ALG6: variants seen among roughly 807,000 people sequenced by gnomAD.
The protein encoded by ALG6 is ALG6 alpha-1,3-glucosyltransferase, also known as dolichyl pyrophosphate Man9GlcNAc2 alpha-1,3-glucosyltransferase.
ALG6 carries 46 observed loss-of-function variants against 66.6 expected under a neutral mutation model. The observed-to-expected ratio is 0.69, with a 90% CI of 0.55 to 0.88. ALG6 has a LOEUF of 0.88. Ranked by LOEUF, ALG6 falls within the 40% of genes least tolerant of loss-of-function variation. ALG6 has a pLI of 0.00. For missense variants in ALG6, 505 were observed against 586.8 expected, an observed-to-expected ratio of 0.86 and a Z score of 1.44; for synonymous variants, 185 against 203.7, an observed-to-expected ratio of 0.91 and a Z score of 0.78.
At chr1:63,401,020 G>C (rs376458124) in intron 3 of ALG6, among the ~76,000 whole-genome samples, 1 of 152,226 alleles carries the variant, frequency 6.6e-6, no homozygotes, top group Non-Finnish European at 1.5e-5. Context: ...GCTGCCAAAA[G>C]GGGCTCCAAC....
At chr1:63,372,706 C>T (rs11208195) in intron 2 of ALG6, among the ~76,000 whole-genome samples, 64,691 of 151,834 alleles carry the variant, frequency 0.43, 13,961 homozygotes, top group East Asian at 0.62. Flanking sequence ...GTCACCCAGG[C>T]TGGAGTGCAG....
chr1:63,417,441 A>T (rs1644550878), intron 11 of ALG6, among the ~76,000 whole-genome samples: 1 of 152,126 alleles, frequency 6.6e-6, no homozygotes, highest in East Asian at 1.9e-4. Flanking sequence ...AAACTTTTTA[A>T]ATGTAAGATT....
intron 7 of ALG6, among the ~76,000 whole-genome samples, chr1:63,410,937 CT>C (rs1253156519): frequency 6.6e-6 from 1 of 152,054 alleles, no homozygotes; most frequent in Non-Finnish European, 1.5e-5. Flanking sequence ...GTATTTGATG[CT>C]GTTATACATA....
intron 11 of ALG6, among the ~76,000 whole-genome samples, chr1:63,418,622 A>G (rs1244914898): frequency 1.3e-5 from 2 of 152,134 alleles, no homozygotes; most frequent in African/African-American, 4.8e-5. Context: ...ACATGATCTG[A>G]TATGGTAGCT....
chr1:63,379,532 T>C (rs1194655217), intron 2 of ALG6, among the ~76,000 whole-genome samples: 1 of 152,092 alleles, frequency 6.6e-6, no homozygotes, highest in Non-Finnish European at 1.5e-5. Context: ...AGGCTTTGCC[T>C]CCTTACTGAC....
intron 2 of ALG6, among the ~76,000 whole-genome samples, chr1:63,373,419 A>G (rs1648001967): frequency 6.6e-6 from 1 of 151,652 alleles, no homozygotes; most frequent in Non-Finnish European, 1.5e-5. Flanking sequence ...CCTGAGCAAC[A>G]TGGCAAAACC....
At chr1:63,379,726 A>G (rs1379796311) in intron 2 of ALG6, among the ~76,000 whole-genome samples, 1 of 149,960 alleles carries the variant, frequency 6.7e-6, no homozygotes, top group African/African-American at 2.4e-5. Context: ...AGGATACGTA[A>G]TACTATATTA....
chr1:63,432,041 G>A (rs924718948), intron 14 of ALG6, among the ~76,000 whole-genome samples: 2 of 152,072 alleles, frequency 1.3e-5, no homozygotes, highest in South Asian at 4.1e-4. Context: ...AGACAGTGTT[G>A]AATACAGGTA....
intron 11 of ALG6, among the ~76,000 whole-genome samples, chr1:63,419,006 G>A (rs537194776): frequency 2.6e-5 from 4 of 152,028 alleles, no homozygotes; most frequent in African/African-American, 9.6e-5. Flanking sequence ...TTGTTTTGCC[G>A]GTTTTAGATT....
At chr1:63,415,730 A>T in intron 10 of ALG6, 143 bp from the exon 11 acceptor site, 2 of 544,336 alleles carry the variant, frequency 3.7e-6, no homozygotes, top group Non-Finnish European at 6.4e-6. Flanking sequence ...TTCATCTTTA[A>T]ATTTAATAAA....
At chr1:63,399,012 A>G (rs958683625) in intron 3 of ALG6, among the ~76,000 whole-genome samples, 4 of 152,184 alleles carry the variant, frequency 2.6e-5, no homozygotes, top group African/African-American at 9.7e-5. Context: ...CGGGAAGGCT[A>G]TATTTCAGGT....
At chr1:63,423,221 A>C (rs1032047395) in intron 12 of ALG6, among the ~76,000 whole-genome samples, 2 of 152,016 alleles carry the variant, frequency 1.3e-5, no homozygotes, top group Non-Finnish European at 2.9e-5. Flanking sequence ...AAAGGGTTTC[A>C]CCATGTTGGC....
intron 12 of ALG6, among the ~76,000 whole-genome samples, chr1:63,426,131 C>A (rs1156734843): frequency 2.0e-5 from 3 of 152,080 alleles, no homozygotes; most frequent in Non-Finnish European, 4.4e-5. Context: ...GAGTTGAAAT[C>A]TTTGGGTAAT....
In ALG6 at chr1:63,370,896, A is replaced by G; in HGVS notation, c.-82A>G. 1 of 853,658 alleles carries G rather than the reference A, an allele frequency of 1.2e-6. No individual in the cohort carries two copies. Among genetic ancestry groups the G allele is most frequent in the African/African-American group, 1.7e-5 (1 of 60,412 alleles). The allele number at this position is 853,658 out of a possible 1,614,324, so 52.9% of individuals were successfully genotyped here. The stretch of plus-strand genomic sequence containing the variant: ...AGAAGTGATAACATTTCTCTGAACA[A>G]GAAAAGAAGTGATTGACCACGTTTT... On this transcript the variant is annotated 5_prime_UTR_variant, in exon 2 of 15. Transcript: ENST00000263440.
intron 12 of ALG6, among the ~76,000 whole-genome samples, chr1:63,420,184 C>T (rs762431273): frequency 1.1e-4 from 17 of 152,120 alleles, no homozygotes; most frequent in Non-Finnish European, 2.1e-4. Flanking sequence ...CAGAGCTGGG[C>T]TGGCCTGTGT....
intron 10 of ALG6, 111 bp downstream of exon 10, chr1:63,414,257 T>G (rs1644531369): frequency 9.5e-6 from 5 of 527,510 alleles, no homozygotes; most frequent in Non-Finnish European, 1.5e-5. Context: ...TTTCTTTTCT[T>G]TTTTTTTTTT....
At chr1:63,368,533 C>T (rs944042430) in intron 1 of ALG6, among the ~76,000 whole-genome samples, 1 of 151,782 alleles carries the variant, frequency 6.6e-6, no homozygotes, top group Non-Finnish European at 1.5e-5. Context: ...CAGAGTCTTG[C>T]TCTGTCGCCC....
intron 2 of ALG6, among the ~76,000 whole-genome samples, chr1:63,372,955 G>A (rs1647982407): frequency 6.6e-6 from 1 of 151,776 alleles, no homozygotes; most frequent in African/African-American, 2.4e-5. Context: ...ACCGTGCCTG[G>A]CCTGTAGCTC....
At chr1:63,387,564 CAG>C (rs1290495029) in intron 2 of ALG6, among the ~76,000 whole-genome samples, 5 of 29,342 alleles carry the variant, frequency 1.7e-4, no homozygotes, top group African/African-American at 8.4e-4. Flanking sequence ...TTTTTTGAGA[CAG>C]AGTCTTGCTC....
Sources: allele counts gnomAD v4.1 joint callset (sites outside exome capture counted in the v4.1 genomes callset), GRCh38; gene constraint gnomAD v4.1.1; transcripts MANE v1.5; gene names NCBI Gene and HGNC (gene_info 2026-07-23, HGNC 2026-07-21).